DISP1: variants seen among roughly 807,000 people sequenced by gnomAD.
DISP1 encodes dispatched RND transporter family member 1, also known as protein dispatched homolog 1.
A neutral mutation model predicts 37.3 loss-of-function variants in DISP1; 30 were observed. The observed-to-expected ratio is 0.80, with a 90% confidence interval of 0.60 to 1.09. The LOEUF (loss-of-function observed/expected upper bound fraction) is 1.09, where lower values mean the gene tolerates loss of function less well. Among genes scored for constraint, DISP1 ranks in the 50% least tolerant of loss-of-function variants. The pLI, the probability that DISP1 is intolerant of heterozygous loss-of-function variation, is 0.00. For synonymous variants in DISP1, 634 were observed against 690.2 expected, an observed-to-expected ratio of 0.92 and a Z score of 1.28; for missense variants, 1,598 against 1,879.5, an observed-to-expected ratio of 0.85 and a Z score of 2.77.
intron 3 of DISP1, among the ~76,000 whole-genome samples, chr1:222,972,644 C>T (rs535750155): frequency 6.6e-6 from 1 of 152,204 alleles, no homozygotes; most frequent in South Asian, 2.1e-4. Flanking sequence ...TATCTGAAAC[C>T]TACTTATGTC....
intron 1 of DISP1, among the ~76,000 whole-genome samples, chr1:222,858,917 A>T (rs1421790622): frequency 6.6e-6 from 1 of 152,240 alleles, no homozygotes; most frequent in Admixed American, 6.5e-5. Flanking sequence ...TGTGGAAAAC[A>T]GTGTGATGAT....
rs753729422 is a variant in DISP1, at chr1:223,005,503, T to A, written c.4106T>A (p.Ile1369Asn). 3.1e-6 allele frequency: 5 copies of A among 1,613,486 alleles called. No individual in the cohort carries two copies. The highest frequency in any genetic ancestry group is 1.6e-4 in the Middle Eastern group (1 of 6,062). ...PVQHIQAQEKIGKTNVHSLQR... is the reference protein window; with the variant it reads ...PVQHIQAQEKNGKTNVHSLQR... ...CAGCACATTCAGGCCCAAGAAAAAA[T>A]TGGCAAGACCAATGTACACAGTCTT... The change falls in exon 9 of 9, where the codon ATT (isoleucine) becomes AAT (asparagine). Residue 1369 changes from isoleucine (I) to asparagine (N), a missense_variant. Physicochemically the swap from Ile to Asn is moderately radical, Grantham distance 149. Transcript: ENST00000675850.
intron 1 of DISP1, among the ~76,000 whole-genome samples, chr1:222,875,284 G>A (rs1038719521): frequency 6.6e-6 from 1 of 151,918 alleles, no homozygotes; most frequent in African/African-American, 2.4e-5. Context: ...CTGTACTCCA[G>A]CCTGGGTAAG....
At chr1:222,978,581 A>G (rs904373420) in intron 3 of DISP1, among the ~76,000 whole-genome samples, 1 of 152,200 alleles carries the variant, frequency 6.6e-6, no homozygotes, top group Non-Finnish European at 1.5e-5. Context: ...TGTTTTAGAC[A>G]TGAAGTCTTT....
intron 1 of DISP1, among the ~76,000 whole-genome samples, chr1:222,873,080 A>G (rs75506738): frequency 0.11 from 17,065 of 151,706 alleles, 1,255 homozygotes; most frequent in South Asian, 0.16. Context: ...GTAGTTGAGC[A>G]GTTTTGAGTG....
At chr1:222,978,802 G>C (rs1214535032) in intron 3 of DISP1, among the ~76,000 whole-genome samples, 1 of 152,068 alleles carries the variant, frequency 6.6e-6, no homozygotes, top group Non-Finnish European at 1.5e-5. Flanking sequence ...TCTTGTTTTT[G>C]TCAGGTTTGT....
At position 222,892,044 on chromosome 1, in the gene DISP1, G is replaced by A. The variant is rs556168196; in HGVS notation, c.-158-36386G>A. On this transcript the variant is annotated intron_variant, in intron 1 of 8. Transcript: ENST00000675850. ...GGAGTGATACCTTACATAAAGATAC[G>A]TAAGAGAAGTGTTCCCATTTAGGAT... Among the ~76,000 whole-genome samples, 17 of 152,126 alleles carry A rather than the reference G, an allele frequency of 1.1e-4. No homozygotes were observed. The South Asian group carries it at 3.6e-3, about 32-fold the overall frequency.
intron 1 of DISP1, among the ~76,000 whole-genome samples, chr1:222,843,293 A>C (rs1421897767): frequency 6.6e-6 from 1 of 152,074 alleles, no homozygotes; most frequent in Non-Finnish European, 1.5e-5. Flanking sequence ...AATAAATAAC[A>C]GTGACTTGTA....
intron 3 of DISP1, among the ~76,000 whole-genome samples, chr1:222,944,925 C>A (rs949772635): frequency 6.6e-6 from 1 of 152,096 alleles, no homozygotes; most frequent in Non-Finnish European, 1.5e-5. Flanking sequence ...ATTACAGAAT[C>A]CCAACACTTC....
chr1:222,857,510 A>G (rs1216310425), intron 1 of DISP1, among the ~76,000 whole-genome samples: 1 of 152,228 alleles, frequency 6.6e-6, no homozygotes, highest in Non-Finnish European at 1.5e-5. Flanking sequence ...TGCAGATGAC[A>G]TGATCCTATA....
At chr1:222,882,124 A>G (rs1418523217) in intron 1 of DISP1, among the ~76,000 whole-genome samples, 1 of 152,220 alleles carries the variant, frequency 6.6e-6, no homozygotes, top group Non-Finnish European at 1.5e-5. Flanking sequence ...TGCCATGAAC[A>G]TAATTACCTG....
rs535701659 is a variant in DISP1, at chr1:222,964,214, G to A, written c.510-18866G>A. Among the ~76,000 whole-genome samples the A allele has an allele frequency of 1.0e-4, 15 of 150,244 alleles. No homozygotes were observed. The South Asian group carries it at 1.5e-3, about 15-fold the overall frequency. The stretch of plus-strand genomic sequence containing the variant: ...CTTGGGAGCCTGAGGCAGGAGAGTC[G>A]CTTCAACCTGGGAGGCGGAGGTTGC... On this transcript the variant is annotated intron_variant, in intron 3 of 8. Transcript: ENST00000675850.
chr1:222,950,328 G>T (rs928981628), intron 3 of DISP1, among the ~76,000 whole-genome samples: 7 of 152,272 alleles, frequency 4.6e-5, no homozygotes, highest in Non-Finnish European at 8.8e-5. Flanking sequence ...AGGGCCAGGC[G>T]CAGTGGCTCA....
At chr1:222,923,476 A>C (rs1387849675) in intron 1 of DISP1, among the ~76,000 whole-genome samples, 2 of 152,170 alleles carry the variant, frequency 1.3e-5, no homozygotes, top group African/African-American at 4.8e-5. Flanking sequence ...GTGGATAAAT[A>C]CAGTAATTAA....
chr1:222,896,363 G>A (rs977404918), intron 1 of DISP1, among the ~76,000 whole-genome samples: 4 of 152,024 alleles, frequency 2.6e-5, no homozygotes, highest in African/African-American at 9.7e-5. Flanking sequence ...CACTTTGGGA[G>A]GCCAAAGCAG....
At chr1:222,836,441 TTATGAC>T in intron 1 of DISP1, among the ~76,000 whole-genome samples, 1 of 152,248 alleles carries the variant, frequency 6.6e-6, no homozygotes, top group African/African-American at 2.4e-5. Context: ...GTGACTATAA[TTATGAC>T]AGACAAACTT....
chr1:222,927,451 T>C (rs1396582935), intron 1 of DISP1, among the ~76,000 whole-genome samples: 1 of 152,204 alleles, frequency 6.6e-6, no homozygotes, highest in Non-Finnish European at 1.5e-5. Context: ...TTCTGAATAC[T>C]AGACTCTTAG....
rs546894474 is a variant in DISP1, at chr1:222,971,636, C to T, written c.510-11444C>T. Reference sequence around the variant, plus strand: ...GCAAATGTTGGAGGAAAAGAGAATCCGCACATTGATGAATTATGATTGTAT... The same window carrying T: ...GCAAATGTTGGAGGAAAAGAGAATCTGCACATTGATGAATTATGATTGTAT... On this transcript the variant is annotated intron_variant, in intron 3 of 8. Transcript: ENST00000675850. 1.2e-4 allele frequency among the ~76,000 whole-genome samples: 18 copies of T among 152,044 alleles called. No homozygotes were observed. The East Asian group carries it at 2.3e-3, about 20-fold the overall frequency.
intron 2 of DISP1, among the ~76,000 whole-genome samples, chr1:222,931,567 A>G (rs1673400103): frequency 6.6e-6 from 1 of 151,994 alleles, no homozygotes; most frequent in South Asian, 2.1e-4. Flanking sequence ...GTTTATTAAC[A>G]AACCATCTTG....
Sources: gnomAD v4.1 joint callset for allele counts (sites outside exome capture counted in the v4.1 genomes callset) on GRCh38, gnomAD v4.1.1 for gene constraint, MANE v1.5 for transcripts, NCBI Gene and HGNC (gene_info 2026-07-23, HGNC 2026-07-21) for gene names.